Variants in CNTRL observed in about 807,000 individuals in gnomAD.
CNTRL encodes centriolin.
CNTRL carries 233 observed loss-of-function variants against 303.7 expected under a neutral mutation model. The ratio of observed to expected loss-of-function variants is 0.77; its 90% confidence interval spans 0.69 to 0.86. The LOEUF (loss-of-function observed/expected upper bound fraction) is 0.86, where lower values mean the gene tolerates loss of function less well. CNTRL is among the 40% of genes least tolerant of loss of function. CNTRL has a pLI of 0.00. For missense variants in CNTRL, 2,524 were observed against 2,650.6 expected (o/e 0.95, Z 1.05); for synonymous variants, 900 against 922.2 (o/e 0.98, Z 0.44).
intron 40 of CNTRL, among the ~76,000 whole-genome samples, chr9:121,172,296 G>A (rs569814813): frequency 1.3e-5 from 2 of 152,286 alleles, no homozygotes; most frequent in East Asian, 3.9e-4. Flanking sequence ...TCTATATGGG[G>A]TAGAGCCACA....
intron 12 of CNTRL, among the ~76,000 whole-genome samples, chr9:121,120,759 A>T (rs1440921631): frequency 2.0e-5 from 3 of 152,198 alleles, no homozygotes; most frequent in African/African-American, 7.2e-5. Context: ...TATACATGGA[A>T]AGGAGGTAAA....
At chr9:121,108,017 C>T in intron 8 of CNTRL, 22 bp downstream of exon 8, 1 of 1,512,028 alleles carries the variant, frequency 6.6e-7, no homozygotes, top group East Asian at 2.3e-5. Flanking sequence ...TTTTACATTG[C>T]TTTGGCTGTA....
In CNTRL at chr9:121,092,541, ATT is replaced by A. The variant is rs1437197866; in HGVS notation, c.348+2137_348+2138del. ...ATATATATAATATATATCTATATAT[ATT>A]ATATATATCTATATATATAATATAT... On this transcript the variant is annotated intron_variant, in intron 4 of 43. Transcript: ENST00000373855. Among the ~76,000 whole-genome samples the A allele has an allele frequency of 1.2e-3, 27 of 22,372 alleles. 2 individuals carry two copies. The highest frequency in any genetic ancestry group is 5.1e-3 in the East Asian group (6 of 1,170). The allele number at this position is 22,372 out of a possible 152,430, so 14.7% of individuals were successfully genotyped here.
intron 2 of CNTRL, 133 bp from the exon 3 acceptor site, chr9:121,088,163 A>G: frequency 3.3e-6 from 2 of 599,408 alleles, no homozygotes; most frequent in Non-Finnish European, 5.9e-6. Flanking sequence ...CTGCTCCATC[A>G]GCTTGGAGTA....
chr9:121,173,668 G>A lies in CNTRL; in HGVS notation c.6685-7G>A. On this transcript the variant is annotated splice_region_variant and splice_polypyrimidine_tract_variant and intron_variant, in intron 41 of 43. Coordinates refer to ENST00000373855, the MANE Select transcript of CNTRL (RefSeq NM_007018.6). ...TTCATGATATCTCTATTTTCCCTCTGAGAAAGGATGAACACTGGCGTGGAG... is the reference window on the plus strand; with the variant it reads ...TTCATGATATCTCTATTTTCCCTCTAAGAAAGGATGAACACTGGCGTGGAG... 2 of 1,614,108 alleles carry A rather than the reference G, an allele frequency of 1.2e-6. No homozygotes were observed. Among genetic ancestry groups the A allele is most frequent in the Non-Finnish European group, 1.7e-6 (2 of 1,179,974 alleles).
At position 121,167,579 on chromosome 9, in the gene CNTRL, G is replaced by A; in HGVS notation, c.5746G>A (p.Glu1916Lys). 3 of 1,614,142 alleles carry A rather than the reference G, an allele frequency of 1.9e-6. No homozygotes were observed. Among genetic ancestry groups the A allele is most frequent in the Non-Finnish European group, 2.5e-6 (3 of 1,180,014 alleles). ...KDISEWANRF[E>K]DCQKEEETKQ... ...CATCAGTGAATGGGCAAATAGGTTT[G>A]AAGACTGTCAGAAAGAAGAGGAGAC... Residue 1916 changes from glutamate (E) to lysine (K), a missense_variant, in exon 37 of 44, where the codon GAA (glutamate) becomes AAA (lysine). Physicochemically the swap from Glu to Lys is moderately conservative, Grantham distance 56. Transcript: ENST00000373855.
At chr9:121,107,203 A>G (rs1275827247) in intron 7 of CNTRL, among the ~76,000 whole-genome samples, 1 of 152,166 alleles carries the variant, frequency 6.6e-6, no homozygotes, top group Non-Finnish European at 1.5e-5. Context: ...AAAATAGCCC[A>G]GTAGGAGGTA....
Position 121,096,559 on chromosome 9 carries a change from C to A in CNTRL, c.617C>A (p.Ser206Ter). The A allele has an allele frequency of 6.9e-7, 1 of 1,450,886 alleles. No individual in the cohort carries two copies. The highest frequency in any genetic ancestry group is 9.2e-7 in the Non-Finnish European group (1 of 1,088,714). The allele number at this position is 1,450,886 out of a possible 1,614,324, so 89.9% of individuals were successfully genotyped here. Residue 206 changes from serine (S) to a stop codon, truncating the protein, a stop_gained, in exon 6 of 44, where the codon TCA (serine) becomes TAA (stop). Transcript: ENST00000373855. LOFTEE classifies it high-confidence loss of function. The part of the protein sequence containing the change: ...RVLNLKGNKI[S>*]SLQDISKLKP... ...CTCAATTTGAAAGGCAACAAGATAT[C>A]ATCGGTAAGTTATTCAAAATAGCAG...
At position 121,144,918 on chromosome 9, in the gene CNTRL, A is replaced by C; in HGVS notation, c.3127A>C (p.Ile1043Leu). ...AGATCTCACCCGAGCAGAAGCTGAG[A>C]TCGAACTCCTGCAGAATCTCCTCAG... The part of the protein sequence containing the change: ...ARDLTRAEAE[I>L]ELLQNLLRQK... Residue 1043 changes from isoleucine to leucine, a missense_variant, in exon 21 of 44, where the codon ATC becomes CTC. Coordinates refer to ENST00000373855, the MANE Select transcript of CNTRL (RefSeq NM_007018.6). 6.2e-7 allele frequency: 1 copy of C among 1,613,584 alleles called. No individual in the cohort carries two copies. Among genetic ancestry groups the C allele is most frequent in the Non-Finnish European group, 8.5e-7 (1 of 1,179,926 alleles).
intron 8 of CNTRL, among the ~76,000 whole-genome samples, chr9:121,111,779 C>G (rs1564217800): frequency 6.6e-6 from 1 of 152,012 alleles, no homozygotes; most frequent in Non-Finnish European, 1.5e-5. Flanking sequence ...TTTATAAATT[C>G]AGAGAATTAG....
rs2049854890 is a variant in CNTRL at position 121,113,732 on chromosome 9, A to G, written c.1345+8A>G. 1.3e-6 allele frequency: 2 copies of G among 1,497,750 alleles called. No individual in the cohort carries two copies. Among genetic ancestry groups the G allele is most frequent in the African/African-American group, 1.5e-5 (1 of 68,400 alleles). 92.8% of individuals were successfully genotyped at this position (1,497,750 alleles called of 1,614,324 possible). A position where few individuals can be genotyped will look rare whatever the true frequency, so the allele number is the denominator to read the frequency against. On this transcript the variant is annotated splice_region_variant and intron_variant, in intron 10 of 43. Coordinates refer to ENST00000373855, the MANE Select transcript of CNTRL (RefSeq NM_007018.6). ...AAAAAAAAATAAGTGCAGGTTAAAAAAAGTTATTTTAAATTCTTTAAAAAA... is the reference window on the plus strand; with the variant it reads ...AAAAAAAAATAAGTGCAGGTTAAAAGAAGTTATTTTAAATTCTTTAAAAAA...
chr9:121,119,297 T>C (rs1022369761), intron 12 of CNTRL, among the ~76,000 whole-genome samples: 5 of 150,876 alleles, frequency 3.3e-5, no homozygotes, highest in Middle Eastern at 3.4e-3. Flanking sequence ...TCATCTTTCT[T>C]TCTCTCTCTC....
intron 1 of CNTRL, among the ~76,000 whole-genome samples, chr9:121,077,483 C>T (rs1434881436): frequency 1.3e-5 from 2 of 152,182 alleles, no homozygotes; most frequent in East Asian, 3.8e-4. Flanking sequence ...TAGCTATTCT[C>T]TGAGACTGAT....
At chr9:121,151,600 C>T (rs2052267265) in intron 25 of CNTRL, among the ~76,000 whole-genome samples, 2 of 152,032 alleles carry the variant, frequency 1.3e-5, no homozygotes, top group Admixed American at 6.6e-5. Flanking sequence ...CCATGTTGGC[C>T]AGGCTGGTCT....
In CNTRL at chr9:121,113,727, TA is replaced by T; in HGVS notation, c.1345+10del. ...CAAAGAAAAAAAAATAAGTGCAGGT[TA>T]AAAAAAGTTATTTTAAATTCTTTAA... On this transcript the variant is annotated splice_donor_region_variant and intron_variant, in intron 10 of 43. Coordinates refer to ENST00000373855, the MANE Select transcript of CNTRL (RefSeq NM_007018.6). 6 of 1,501,074 alleles carry T rather than the reference TA, an allele frequency of 4.0e-6. No individual in the cohort carries two copies. Among genetic ancestry groups the T allele is most frequent in the Non-Finnish European group, 4.4e-6 (5 of 1,128,584 alleles). The allele number at this position is 1,501,074 out of a possible 1,614,324, so 93.0% of individuals were successfully genotyped here. A position where few individuals can be genotyped will look rare whatever the true frequency, so the allele number is the denominator to read the frequency against.
chr9:121,123,829 A>G lies in CNTRL; in HGVS notation c.1651-102A>G, dbSNP rs552022346. On this transcript the variant is annotated intron_variant, in intron 12 of 43. Transcript: ENST00000373855. ...CTGACACAAATAGATGCAAATTATT[A>G]TATTTATTTTCTATTCTTCCTTTAA... 27 of 845,262 alleles carry G rather than the reference A, an allele frequency of 3.2e-5. No homozygotes were observed. In the African/African-American group the frequency reaches 4.7e-4, roughly 15 times the overall value. 52.4% of individuals were successfully genotyped at this position (845,262 alleles called of 1,614,324 possible). A position where few individuals can be genotyped will look rare whatever the true frequency, so the allele number is the denominator to read the frequency against.
chr9:121,088,004 T>A (rs540766006), intron 2 of CNTRL, among the ~76,000 whole-genome samples: 40 of 152,252 alleles, frequency 2.6e-4, no homozygotes, highest in Non-Finnish European at 5.3e-4. Context: ...AGGACCCCGT[T>A]ATGTGGGTAA....
chr9:121,141,619 A>T (rs1282713874), intron 18 of CNTRL, 31 bp downstream of exon 18: 1 of 1,587,482 alleles, frequency 6.3e-7, no homozygotes, highest in Non-Finnish European at 8.6e-7. Flanking sequence ...ACCTGGAGGG[A>T]AGTGTTTGGC....
At chr9:121,085,604 A>C (rs1476416636) in intron 2 of CNTRL, among the ~76,000 whole-genome samples, 1 of 152,226 alleles carries the variant, frequency 6.6e-6, no homozygotes, top group Non-Finnish European at 1.5e-5. Context: ...AGCAAAAGAT[A>C]TATAGTAGGT....
Sources: allele counts gnomAD v4.1 joint callset (sites outside exome capture counted in the v4.1 genomes callset), GRCh38; gene constraint gnomAD v4.1.1; transcripts MANE v1.5; gene names NCBI Gene and HGNC (gene_info 2026-07-23, HGNC 2026-07-21).